Variants in SIGLEC7 observed in about 807,000 individuals in gnomAD.
The protein encoded by SIGLEC7 is sialic acid-binding Ig-like lectin 7.
SIGLEC7 carries 33 observed loss-of-function variants against 40.8 expected under a neutral mutation model. The observed-to-expected ratio is 0.81, with a 90% confidence interval of 0.61 to 1.08. SIGLEC7 has a LOEUF of 1.08. SIGLEC7 is among the 50% of genes least tolerant of loss of function. The pLI, the probability that SIGLEC7 is intolerant of heterozygous loss-of-function variation, is 0.00. For synonymous variants in SIGLEC7, 242 were observed against 237.6 expected (o/e 1.02, Z -0.17); for missense variants, 513 against 576.1 (o/e 0.89, Z 1.12).
rs537606901 is a variant in SIGLEC7 at position 51,147,270 on chromosome 19, G to T, written c.1174G>T (p.Asp392Tyr). 6.2e-7 allele frequency: 1 copy of T among 1,612,702 alleles called. No individual in the cohort carries two copies. Among genetic ancestry groups the T allele is most frequent in the African/African-American group, 1.3e-5 (1 of 74,998 alleles). The change falls in exon 6 of 7, where the codon GAC becomes TAC. Residue 392 changes from aspartate to tyrosine, a missense_variant. Transcript: ENST00000317643. ...KSARPAADVGDIGMKDANTIR... is the reference protein window; with the variant it reads ...KSARPAADVGYIGMKDANTIR... ...GGCAAGGCCAGCAGCGGACGTGGGA[G>T]ACATAGGCATGAAGGATGCAAACAC...
At position 51,153,391 on chromosome 19, in the gene SIGLEC7, C is replaced by G; in HGVS notation, c.*146C>G. ...CCTCTTGTCTAACTGAAAATGCATGCCTGATGACCAAACTCTCCCTTTCCC... is the reference window on the plus strand; with the variant it reads ...CCTCTTGTCTAACTGAAAATGCATGGCTGATGACCAAACTCTCCCTTTCCC... On this transcript the variant is annotated 3_prime_UTR_variant, in exon 7 of 7. Transcript: ENST00000317643. 1 of 587,612 alleles carries G rather than the reference C, an allele frequency of 1.7e-6. No individual in the cohort carries two copies. The highest frequency in any genetic ancestry group is 2.7e-6 in the Non-Finnish European group (1 of 365,958). 36.4% of individuals were successfully genotyped at this position (587,612 alleles called of 1,614,324 possible). A position where few individuals can be genotyped will look rare whatever the true frequency, so the allele number is the denominator to read the frequency against.
rs376357998 is a variant in SIGLEC7, at chr19:51,144,977, C to T, written c.760+18C>T. The T allele has an allele frequency of 1.2e-4, 188 of 1,611,706 alleles. No homozygotes were observed. Among genetic ancestry groups the T allele is most frequent in the Non-Finnish European group, 1.5e-4 (175 of 1,178,000 alleles). ...AGGCACAGGTAGGATGGAGCCCCCT[C>T]CCTGGGGCTGGGGGAGCAGGGCCTT... On this transcript the variant is annotated intron_variant, in intron 3 of 6. Coordinates refer to ENST00000317643, the MANE Select transcript of SIGLEC7 (RefSeq NM_014385.4).
Position 51,153,285 on chromosome 19 carries a change from C to G in SIGLEC7, c.*40C>G, listed in dbSNP as rs750128760. 3 of 1,450,358 alleles carry G rather than the reference C, an allele frequency of 2.1e-6. No individual in the cohort carries two copies. Among genetic ancestry groups the G allele is most frequent in the Non-Finnish European group, 2.8e-6 (3 of 1,086,356 alleles). The allele number at this position is 1,450,358 out of a possible 1,614,324, so 89.8% of individuals were successfully genotyped here. On this transcript the variant is annotated 3_prime_UTR_variant, in exon 7 of 7. Transcript: ENST00000317643. ...TCGGGCTTGTTTGAGGGTTCACGAC[C>G]CCTCCAGCAAAGGAGTCTGAGGCTG...
intron 4 of SIGLEC7, 49 bp downstream of exon 4, chr19:51,146,170 A>T: frequency 6.3e-7 from 1 of 1,587,736 alleles, no homozygotes; most frequent in African/African-American, 1.3e-5. Flanking sequence ...CCCCACCCTC[A>T]TGGGCCACCC....
intron 6 of SIGLEC7, among the ~76,000 whole-genome samples, chr19:51,151,885 T>C (rs1357486728): frequency 6.6e-6 from 1 of 152,230 alleles, no homozygotes; most frequent in East Asian, 1.9e-4. Flanking sequence ...CCATGGAGCA[T>C]CTTCTGCACA....
chr19:51,146,660 A>C, intron 4 of SIGLEC7, 94 bp from the exon 5 acceptor site: 6 of 1,009,776 alleles, frequency 5.9e-6, no homozygotes, highest in Non-Finnish European at 9.1e-6. Flanking sequence ...AAGGGGGATT[A>C]GGGTACCCAA....
chr19:51,152,933 A>G (rs1599837077), intron 6 of SIGLEC7, 130 bp from the exon 7 acceptor site: 1 of 600,186 alleles, frequency 1.7e-6, no homozygotes. Flanking sequence ...TAGAGGCAGG[A>G]ACTCATGAAG....
At chr19:51,147,107 C>G in intron 5 of SIGLEC7, 114 bp from the exon 6 acceptor site, 2 of 1,500,722 alleles carry the variant, frequency 1.3e-6, no homozygotes, top group Non-Finnish European at 1.8e-6. Context: ...GACCACCCTC[C>G]TCCCACCTCA....
rs536403501 is a variant in SIGLEC7 at position 51,144,729 on chromosome 19, C to T, written c.712+45C>T. 1.5e-5 allele frequency: 24 copies of T among 1,598,748 alleles called. No individual in the cohort carries two copies. The Admixed American group carries it at 1.5e-4, about 10-fold the overall frequency. On this transcript the variant is annotated intron_variant, in intron 2 of 6. Coordinates refer to ENST00000317643, the MANE Select transcript of SIGLEC7 (RefSeq NM_014385.4). ...GCCCTGGTCCCTGATGAGGGGGGGA[C>T]GTCCCTGAGGGCAGAGGATGGGGTC...
At chr19:51,147,124 C>T in intron 5 of SIGLEC7, 97 bp from the exon 6 acceptor site, 1 of 1,565,852 alleles carries the variant, frequency 6.4e-7, no homozygotes, top group Non-Finnish European at 8.7e-7. Context: ...CTCAGTTACC[C>T]CTCCAGCGCC....
rs1599832313 is a variant in SIGLEC7 at position 51,146,175 on chromosome 19, C to T, written c.1027+54C>T. 5.1e-6 allele frequency: 8 copies of T among 1,580,596 alleles called. No individual in the cohort carries two copies. The South Asian group carries it at 9.4e-5, about 19-fold the overall frequency. The stretch of plus-strand genomic sequence containing the variant: ...AACACACCTGCCCCACCCTCATGGG[C>T]CACCCACTGCCCCTGAGCTTCAAGG... On this transcript the variant is annotated intron_variant, in intron 4 of 6. Transcript: ENST00000317643.
chr19:51,146,043 G>A lies in SIGLEC7; in HGVS notation c.949G>A (p.Glu317Lys), dbSNP rs777489435. The A allele has an allele frequency of 3.1e-6, 5 of 1,614,220 alleles. No homozygotes were observed. Among genetic ancestry groups the A allele is most frequent in the Admixed American group, 1.7e-5 (1 of 60,032 alleles). Residue 317 changes from glutamate (E) to lysine (K), a missense_variant, in exon 4 of 7, where the codon GAA (glutamate) becomes AAA (lysine). Physicochemically the swap from Glu to Lys is moderately conservative, Grantham distance 56. Transcript: ENST00000317643. ...GCAAGTGCACCTGGGGGATGAAGGG[G>A]AATTCACCTGTCGAGCTCAGAACTC... ...ELQVHLGDEG[E>K]FTCRAQNSLG...
rs755141993 is a variant in SIGLEC7, at chr19:51,144,704, G to A, written c.712+20G>A. The A allele has an allele frequency of 4.0e-5, 65 of 1,609,078 alleles. No individual in the cohort carries two copies. Among genetic ancestry groups the A allele is most frequent in the South Asian group, 4.0e-4 (36 of 90,826 alleles). ...TGTCCTGTGAGTGCTGAGCCAGGAC[G>A]CCCTGGTCCCTGATGAGGGGGGGAC... is the stretch of plus-strand genomic sequence containing the variant. On this transcript the variant is annotated intron_variant, in intron 2 of 6. Transcript: ENST00000317643.
Position 51,146,767 on chromosome 19 carries a change from T to G in SIGLEC7, c.1041T>G (p.Pro347=). 3 of 1,613,518 alleles carry G rather than the reference T, an allele frequency of 1.9e-6. No individual in the cohort carries two copies. The highest frequency in any genetic ancestry group is 2.5e-6 in the Non-Finnish European group (3 of 1,179,686). The change falls in exon 5 of 7, where the codon CCT becomes CCG. Residue 347 remains proline (P), a synonymous_variant. Coordinates refer to ENST00000317643, the MANE Select transcript of SIGLEC7 (RefSeq NM_014385.4). ...ATCCATCCTCAGGCAAAATGAGGCC[T>G]GTATCAGGAGTGTTGCTGGGGGCGG... ...LQQEYTGKMR[P]VSGVLLGAVG...
Position 51,142,436 on chromosome 19 carries a change from C to G in SIGLEC7, c.67C>G (p.Arg23Gly). The G allele has an allele frequency of 6.2e-7, 1 of 1,614,104 alleles. No homozygotes were observed. ...GAGGGTGGAAGGACAGAAGAGTAACCGGAAGGATTACTCGCTGACGATGCA... is the reference window on the plus strand; with the variant it reads ...GAGGGTGGAAGGACAGAAGAGTAACGGGAAGGATTACTCGCTGACGATGCA... Reference protein sequence around the residue: ...RERVEGQKSNRKDYSLTMQSS... With the variant: ...RERVEGQKSNGKDYSLTMQSS... Residue 23 changes from arginine (R) to glycine (G), a missense_variant, in exon 1 of 7, where the codon CGG (arginine) becomes GGG (glycine). Arg to Gly is a moderately radical substitution (Grantham distance 125). Transcript: ENST00000317643. The surrounding 1 kb of genome is among the most constrained non-coding windows in gnomAD (Gnocchi z 5.0).
rs368415474 is a variant in SIGLEC7, at chr19:51,146,773, A to G, written c.1047A>G (p.Ser349=). Residue 349 remains serine (S), a synonymous_variant, in exon 5 of 7, where the codon TCA becomes TCG. Transcript: ENST00000317643. ...CCTCAGGCAAAATGAGGCCTGTATC[A>G]GGAGTGTTGCTGGGGGCGGTCGGGG... ...QEYTGKMRPV[S]GVLLGAVGGA... 3 of 1,613,692 alleles carry G rather than the reference A, an allele frequency of 1.9e-6. No individual in the cohort carries two copies. In the African/African-American group the frequency reaches 4.0e-5, roughly 22 times the overall value.
At position 51,146,126 on chromosome 19, in the gene SIGLEC7, G is replaced by GT. The variant is rs753435730; in HGVS notation, c.1027+6dup. ...CCCTGCAACAGGAGTACACAGGTGG[G>GT]TAAGGGAGGGGCTGGAGGAGGAGAA... is the stretch of plus-strand genomic sequence containing the variant. On this transcript the variant is annotated splice_donor_region_variant and intron_variant, in intron 4 of 6. Transcript: ENST00000317643. The GT allele has an allele frequency of 2.5e-6, 4 of 1,612,772 alleles. No individual in the cohort carries two copies. Among genetic ancestry groups the GT allele is most frequent in the Non-Finnish European group, 3.4e-6 (4 of 1,178,988 alleles).
chr19:51,144,512 T>C lies in SIGLEC7; in HGVS notation c.540T>C (p.Pro180=), dbSNP rs780268269. 19 of 1,613,730 alleles carry C rather than the reference T, an allele frequency of 1.2e-5. No individual in the cohort carries two copies. The highest frequency in any genetic ancestry group is 1.5e-5 in the Non-Finnish European group (18 of 1,179,998). Residue 180 remains proline (P), a synonymous_variant, in exon 2 of 7, where the codon CCT becomes CCC. Transcript: ENST00000317643. The stretch of plus-strand genomic sequence containing the variant: ...GGGCCTGTGAGCAGGGGACGCCCCC[T>C]ATGATCTCCTGGATGGGGACCTCTG... ...VPWACEQGTP[P]MISWMGTSVS...
intron 5 of SIGLEC7, 59 bp from the exon 6 acceptor site, chr19:51,147,162 G>C: frequency 3.7e-6 from 6 of 1,607,156 alleles, no homozygotes; most frequent in Non-Finnish European, 5.1e-6. Context: ...GCAGGGGTTG[G>C]TCTGCCCACT....
Sources: gnomAD v4.1 joint callset for allele counts (sites outside exome capture counted in the v4.1 genomes callset) on GRCh38, gnomAD v4.1.1 for gene constraint, Gnocchi (gnomAD v3.1) non-coding constraint, MANE v1.5 for transcripts, NCBI Gene and HGNC (gene_info 2026-07-23, HGNC 2026-07-21) for gene names.